Variants in DKKL1 observed in about 807,000 individuals in gnomAD.
The protein encoded by DKKL1 is dickkopf-like protein 1.
In DKKL1, 11 loss-of-function variants were observed where a neutral mutation model predicts 16.5. The observed-to-expected ratio is 0.67, with a 90% CI of 0.42 to 1.10. DKKL1 has a LOEUF of 1.10. Among genes scored for constraint, DKKL1 ranks in the 50% least tolerant of loss-of-function variants. The pLI is 0.00. For missense variants in DKKL1, 320 were observed against 308.1 expected (o/e 1.04, Z -0.29); for synonymous variants, 119 against 133.2 (o/e 0.89, Z 0.73).
upstream of DKKL1, among the ~76,000 whole-genome samples, chr19:49,362,783 G>A (rs183840858): frequency 6.6e-6 from 1 of 152,010 alleles, no homozygotes; most frequent in Non-Finnish European, 1.5e-5. Flanking sequence ...GAGAGGGGAC[G>A]GGGCTAGGCG....
rs113125729 is a variant in DKKL1, at chr19:49,364,010, T to C, written c.10+2T>C. On this transcript the variant is annotated splice_donor_variant, in intron 1 of 4. Transcript: ENST00000221498. LOFTEE classifies it high-confidence loss of function. ...AGAAGGGGCGGGGTATGGGAGAAGG[T>C]GAGGATTGAGATCTGGTGGTGAACG... 6.2e-7 allele frequency: 1 copy of C among 1,612,904 alleles called. No individual in the cohort carries two copies. Among genetic ancestry groups the C allele is most frequent in the Non-Finnish European group, 8.5e-7 (1 of 1,179,492 alleles).
At chr19:49,373,218 G>T (rs1298348290) in intron 4 of DKKL1, among the ~76,000 whole-genome samples, 1 of 150,648 alleles carries the variant, frequency 6.6e-6, no homozygotes. Context: ...TGGGAGAATC[G>T]CTTGAACCCA....
chr19:49,367,967 C>G (rs996326595), intron 4 of DKKL1, among the ~76,000 whole-genome samples: 1 of 151,920 alleles, frequency 6.6e-6, no homozygotes, highest in Non-Finnish European at 1.5e-5. Context: ...CTTGAGCCCA[C>G]GAGTTTGAGA....
At chr19:49,372,503 C>A (rs567639470) in intron 4 of DKKL1, among the ~76,000 whole-genome samples, 1 of 151,808 alleles carries the variant, frequency 6.6e-6, no homozygotes, top group Admixed American at 6.6e-5. Context: ...ACCATCCTGG[C>A]TAATGCGGTG....
intron 4 of DKKL1, chr19:49,368,645 T>C (rs975592981): frequency 6.6e-6 from 1 of 152,142 alleles, no homozygotes; most frequent in African/African-American, 2.4e-5. Context: ...ACCTTCTAGG[T>C]TGTGGAAAGT....
rs183059322 is a variant in DKKL1, at chr19:49,373,803, C to T, written c.418-914C>T. Reference sequence around the variant, plus strand: ...CAATTTAACACATAACAATCTCCTGCGCGGCTTCTCAGACCTCATCTTACT... The same window carrying T: ...CAATTTAACACATAACAATCTCCTGTGCGGCTTCTCAGACCTCATCTTACT... On this transcript the variant is annotated intron_variant, in intron 4 of 4. Coordinates refer to ENST00000221498, the MANE Select transcript of DKKL1 (RefSeq NM_014419.4). 4.5e-3 allele frequency among the ~76,000 whole-genome samples: 689 copies of T among 152,172 alleles called. 2 individuals are homozygous for T. Among genetic ancestry groups the T allele is most frequent in the Middle Eastern group, 0.014 (4 of 294 alleles).
intron 4 of DKKL1, among the ~76,000 whole-genome samples, chr19:49,368,550 C>A (rs372764463): frequency 0.034 from 5,228 of 151,726 alleles, 281 homozygotes; most frequent in African/African-American, 0.12. Flanking sequence ...TTTTAAAAAA[C>A]ATACTTTATT....
intron 2 of DKKL1, 118 bp from the exon 3 acceptor site, chr19:49,365,385 GAAAGTA>G: frequency 8.1e-7 from 1 of 1,229,618 alleles, no homozygotes; most frequent in Non-Finnish European, 1.1e-6. Flanking sequence ...TCAGAGGGCA[GAAAGTA>G]AAGGGGATGG....
upstream of DKKL1, chr19:49,363,823 T>C: frequency 2.2e-6 from 2 of 897,756 alleles, no homozygotes; most frequent in South Asian, 2.9e-5. Context: ...TGGAGCGTGG[T>C]CAGACAATAG....
chr19:49,367,201 A>T (rs2146774233), intron 4 of DKKL1, among the ~76,000 whole-genome samples: 1 of 150,986 alleles, frequency 6.6e-6, no homozygotes, highest in Middle Eastern at 3.5e-3. Flanking sequence ...TAATTTTTGA[A>T]TTTTTAGTGT....
chr19:49,372,277 C>T (rs1042625253), intron 4 of DKKL1, among the ~76,000 whole-genome samples: 16 of 152,138 alleles, frequency 1.1e-4, no homozygotes, highest in African/African-American at 3.9e-4. Context: ...GAAGTTGCCT[C>T]CTGCCAGGCA....
Position 49,365,665 on chromosome 19 carries a change from AGCC to A in DKKL1, c.324+17_324+19del. The A allele has an allele frequency of 2.5e-6, 4 of 1,606,340 alleles. No individual in the cohort carries two copies. The highest frequency in any genetic ancestry group is 3.4e-6 in the Non-Finnish European group (4 of 1,174,798). On this transcript the variant is annotated intron_variant, in intron 3 of 4. Coordinates refer to ENST00000221498, the MANE Select transcript of DKKL1 (RefSeq NM_014419.4). The stretch of plus-strand genomic sequence containing the variant: ...GATCGACAAGGTGCCTATGCAGGGA[AGCC>A]CTTCCTGAAGTCCCCTTGGGATCCC...
In DKKL1 at chr19:49,364,717, AG is replaced by A. The variant is rs1568591259; in HGVS notation, c.147del (p.Ser50AlafsTer11). ...QESSLGLTGL[Q>X]SLLQGFSRLF... ...AGCTCCTTGGGTCTCACAGGCCTCCAGAGCCTACTCCAAGGCTTCAGCCGAC... is the reference window on the plus strand; with the variant it reads ...AGCTCCTTGGGTCTCACAGGCCTCCAAGCCTACTCCAAGGCTTCAGCCGAC... On this transcript the variant is annotated frameshift_variant, in exon 2 of 5. Transcript: ENST00000221498. LOFTEE classifies it high-confidence loss of function. 6.2e-7 allele frequency: 1 copy of A among 1,613,958 alleles called. No homozygotes were observed. Among genetic ancestry groups the A allele is most frequent in the Admixed American group, 1.7e-5 (1 of 59,928 alleles).
chr19:49,360,516 A>G (rs1274395291), upstream of DKKL1: 6 of 185,968 alleles, frequency 3.2e-5, no homozygotes, highest in Non-Finnish European at 6.7e-5. Context: ...TGAAGTCACA[A>G]TGATTACCCT....
rs1488605691 is a variant in DKKL1, at chr19:49,367,662, T to G, written c.417+1777T>G. On this transcript the variant is annotated intron_variant, in intron 4 of 4. Transcript: ENST00000221498. The stretch of plus-strand genomic sequence containing the variant: ...CTCAGGTGATCCAACTGCCTTGGCC[T>G]CCCAAGGTGCTGGGATTATAGGCGT... Among the ~76,000 whole-genome samples the G allele has an allele frequency of 2.0e-5, 3 of 152,176 alleles. No individual in the cohort carries two copies. In the East Asian group the frequency reaches 5.8e-4, roughly 29 times the overall value.
intron 4 of DKKL1, among the ~76,000 whole-genome samples, chr19:49,373,046 G>A (rs1409481918): frequency 7.0e-6 from 1 of 142,808 alleles, no homozygotes; most frequent in African/African-American, 2.6e-5. Flanking sequence ...GCTCACGCCT[G>A]TAATCCCAGC....
At chr19:49,365,249 G>A (rs1973204010) in intron 2 of DKKL1, among the ~76,000 whole-genome samples, 1 of 152,012 alleles carries the variant, frequency 6.6e-6, no homozygotes, top group African/African-American at 2.4e-5. Context: ...AGAGACAAGA[G>A]ACTGGGGAAA....
intron 3 of DKKL1, 53 bp downstream of exon 3, chr19:49,365,702 G>GCCATCCCT: frequency 6.3e-7 from 1 of 1,592,728 alleles, no homozygotes; most frequent in South Asian, 1.1e-5. Flanking sequence ...CCTCCATCCC[G>GCCATCCCT]CCATCCCTCG....
Position 49,364,659 on chromosome 19 carries a change from G to A in DKKL1, c.88G>A (p.Ala30Thr), listed in dbSNP as rs1600830234. The A allele has an allele frequency of 6.2e-7, 1 of 1,614,084 alleles. No individual in the cohort carries two copies. The highest frequency in any genetic ancestry group is 8.5e-7 in the Non-Finnish European group (1 of 1,180,040). ...LLSTLVIPSAAAPIHDADAQE... is the reference protein window; with the variant it reads ...LLSTLVIPSATAPIHDADAQE... ...CTCTACCCTGGTGATCCCCTCCGCT[G>A]CAGCTCCTATCCATGATGCTGACGC... Residue 30 changes from alanine to threonine, a missense_variant, in exon 2 of 5, where the codon GCA (alanine) becomes ACA (threonine). Ala to Thr is a moderately conservative substitution (Grantham distance 58). Coordinates refer to ENST00000221498, the MANE Select transcript of DKKL1 (RefSeq NM_014419.4).
Sources: allele counts gnomAD v4.1 joint callset (sites outside exome capture counted in the v4.1 genomes callset), GRCh38; gene constraint gnomAD v4.1.1; transcripts MANE v1.5; gene names NCBI Gene and HGNC (gene_info 2026-07-23, HGNC 2026-07-21).